Variants in TRPC3 observed in about 807,000 individuals in gnomAD.
TRPC3 encodes transient receptor potential cation channel subfamily C member 3, also known as short transient receptor potential channel 3.
In TRPC3, 54 loss-of-function variants were observed where a neutral mutation model predicts 90.9. That is an observed-to-expected ratio of 0.59 (90% CI 0.48 to 0.75). The LOEUF (loss-of-function observed/expected upper bound fraction) is 0.75. Ranked by LOEUF, TRPC3 falls within the 30% of genes least tolerant of loss-of-function variation. The probability of loss-of-function intolerance (pLI) is 0.00; values close to 1 mark genes in which losing one functional copy is unlikely to be tolerated. For missense variants in TRPC3, 918 were observed against 1,194.5 expected (o/e 0.77, Z 3.41); for synonymous variants, 424 against 450.9 (o/e 0.94, Z 0.75).
chr4:121,919,605 G>T (rs1321876578), intron 3 of TRPC3, among the ~76,000 whole-genome samples: 4 of 152,190 alleles, frequency 2.6e-5, no homozygotes, highest in Admixed American at 2.6e-4. Context: ...CGTCTCAGTG[G>T]TGTATTTACC....
At chr4:121,936,940 TG>T (rs1440730806) in intron 1 of TRPC3, among the ~76,000 whole-genome samples, 5 of 152,348 alleles carry the variant, frequency 3.3e-5, no homozygotes, top group Middle Eastern at 6.8e-3. Flanking sequence ...ATTTTTTTCA[TG>T]CTTTGTGGGA....
intron 5 of TRPC3, 35 bp downstream of exon 5, chr4:121,911,842 G>C (rs200346990): frequency 2.6e-6 from 4 of 1,537,322 alleles, no homozygotes; most frequent in Non-Finnish European, 3.5e-6. Context: ...ATTACCTTTT[G>C]GTAGAAATTA....
At chr4:121,930,830 T>TAAAAA (rs71599162) in intron 2 of TRPC3, 73 of 204,254 alleles carry the variant, frequency 3.6e-4, no homozygotes, top group South Asian at 7.4e-4. Context: ...CTCTGAGATC[T>TAAAAA]AAAAAAAAAA....
intron 10 of TRPC3, among the ~76,000 whole-genome samples, chr4:121,891,128 A>G (rs189963911): frequency 6.6e-6 from 1 of 152,210 alleles, no homozygotes; most frequent in South Asian, 2.1e-4. Flanking sequence ...CCTCCGGTCA[A>G]CTATATGAGG....
intron 6 of TRPC3, 119 bp downstream of exon 6, chr4:121,910,035 T>C: frequency 1.4e-6 from 1 of 732,558 alleles, no homozygotes; most frequent in Non-Finnish European, 2.3e-6. Flanking sequence ...CTTTCTCCAC[T>C]GTCCATAAAT....
intron 7 of TRPC3, among the ~76,000 whole-genome samples, chr4:121,906,907 C>T (rs548051905): frequency 1.2e-3 from 189 of 152,212 alleles, no homozygotes; most frequent in African/African-American, 4.4e-3. Flanking sequence ...TCCTCTTACT[C>T]GACTTCCTGT....
chr4:121,892,242 T>C (rs950778729), intron 10 of TRPC3, among the ~76,000 whole-genome samples: 2 of 152,198 alleles, frequency 1.3e-5, no homozygotes, highest in Admixed American at 6.5e-5. Context: ...CCAAGACATA[T>C]AGTATAATCC....
chr4:121,878,805 C>T lies in TRPC3; in HGVS notation c.*931G>A, dbSNP rs1727841781. On this transcript the variant is annotated 3_prime_UTR_variant, in exon 12 of 12. Transcript: ENST00000379645. ...TTTCCAAGTACGCCCATAGTCACTG[C>T]TCTTTCCTATTTCTTCCCATGAGCA... 6.6e-6 allele frequency among the ~76,000 whole-genome samples: 1 copy of T among 152,160 alleles called. No homozygotes were observed. Among genetic ancestry groups the T allele is most frequent in the Non-Finnish European group, 1.5e-5 (1 of 68,024 alleles).
intron 1 of TRPC3, among the ~76,000 whole-genome samples, chr4:121,940,364 G>A (rs1162902850): frequency 1.3e-5 from 2 of 152,156 alleles, no homozygotes; most frequent in Non-Finnish European, 2.9e-5. Context: ...CCACAGATTG[G>A]GCATTTAATG....
intron 3 of TRPC3, among the ~76,000 whole-genome samples, chr4:121,917,582 G>A (rs1202215372): frequency 3.3e-5 from 5 of 152,188 alleles, no homozygotes; most frequent in Non-Finnish European, 7.3e-5. Context: ...TACACAGTAA[G>A]CTTTGAATAG....
chr4:121,942,209 T>C (rs1227599077), intron 1 of TRPC3, among the ~76,000 whole-genome samples: 2 of 152,184 alleles, frequency 1.3e-5, no homozygotes, highest in African/African-American at 4.8e-5. Flanking sequence ...TCCACAGTAA[T>C]GAATTCCCTG....
At chr4:121,892,795 C>A (rs1421668666) in intron 10 of TRPC3, among the ~76,000 whole-genome samples, 1 of 152,000 alleles carries the variant, frequency 6.6e-6, no homozygotes, top group Admixed American at 6.6e-5. Context: ...AAGATACCAG[C>A]AGACAAGCCC....
At chr4:121,944,048 G>A (rs889405457) in intron 1 of TRPC3, among the ~76,000 whole-genome samples, 3 of 152,022 alleles carry the variant, frequency 2.0e-5, no homozygotes, top group African/African-American at 4.8e-5. Context: ...GTGCATAAGC[G>A]TGAAGTCAGC....
rs1356013645 is a variant in TRPC3 at position 121,907,434 on chromosome 4, A to T, written c.1926T>A (p.Ser642=). ...ANESFGPLQI[S]LGRTVKDIFK... ...ATATGTCCTTTACAGTCCTTCCAAGAGAGATCTGCAGGGGGCCAAAGCTCT... is the reference window on the plus strand; with the variant it reads ...ATATGTCCTTTACAGTCCTTCCAAGTGAGATCTGCAGGGGGCCAAAGCTCT... The change falls in exon 7 of 12, where the codon TCT becomes TCA. Residue 642 remains serine, a synonymous_variant. Transcript: ENST00000379645. The T allele has an allele frequency of 2.5e-6, 4 of 1,613,502 alleles. No homozygotes were observed. The highest frequency in any genetic ancestry group is 2.5e-6 in the Non-Finnish European group (3 of 1,179,596).
In TRPC3 at chr4:121,904,506, C is replaced by CT; in HGVS notation, c.2068dup (p.Ser690LysfsTer14). On this transcript the variant is annotated frameshift_variant, in exon 8 of 12. Coordinates refer to ENST00000379645, the MANE Select transcript of TRPC3 (RefSeq NM_001130698.2). LOFTEE classifies it high-confidence loss of function. ...TATTGACCAAAATAAAGTCTTGAAA[C>CT]TTTCTTCTACACTGTTGAAAAAATA... is the stretch of plus-strand genomic sequence containing the variant. 1 of 1,558,654 alleles carries CT rather than the reference C, an allele frequency of 6.4e-7. No individual in the cohort carries two copies. Among genetic ancestry groups the CT allele is most frequent in the Non-Finnish European group, 8.7e-7 (1 of 1,155,690 alleles).
At position 121,894,554 on chromosome 4, in the gene TRPC3, T is replaced by TG. The variant is rs1367953368; in HGVS notation, c.2547+5057dup. ...CCCAACAGCTGGAAAGTACACATTC[T>TG]GTTTTTTTTTTTTTTTTTTTTTTTT... On this transcript the variant is annotated intron_variant, in intron 10 of 11. Transcript: ENST00000379645. 6.7e-4 allele frequency among the ~76,000 whole-genome samples: 75 copies of TG among 112,226 alleles called. 1 individual carries two copies. Among genetic ancestry groups the TG allele is most frequent in the Non-Finnish European group, 1.1e-3 (56 of 52,504 alleles). 73.6% of individuals were successfully genotyped at this position (112,226 alleles called of 152,430 possible).
rs1314832831 is a variant in TRPC3 at position 121,876,430 on chromosome 4, G to C, written c.*3306C>G. Among the ~76,000 whole-genome samples, 1 of 152,164 alleles carries C rather than the reference G, an allele frequency of 6.6e-6. No homozygotes were observed. The highest frequency in any genetic ancestry group is 2.4e-5 in the African/African-American group (1 of 41,448). ...TGATGTAGCATAACCCTGTTTGCCTGAACCATTTATGAAGACCAGAGAAGT... is the reference window on the plus strand; with the variant it reads ...TGATGTAGCATAACCCTGTTTGCCTCAACCATTTATGAAGACCAGAGAAGT... On this transcript the variant is annotated 3_prime_UTR_variant, in exon 12 of 12. Transcript: ENST00000379645.
intron 10 of TRPC3, among the ~76,000 whole-genome samples, chr4:121,894,561 T>TTG (rs1553937543): frequency 3.1e-5 from 4 of 130,672 alleles, no homozygotes; most frequent in Non-Finnish European, 6.6e-5. Context: ...TTCTGTTTTT[T>TTG]TTTTTTTTTT....
intron 10 of TRPC3, among the ~76,000 whole-genome samples, chr4:121,893,472 C>T (rs1560688822): frequency 6.6e-6 from 1 of 152,054 alleles, no homozygotes; most frequent in East Asian, 1.9e-4. Context: ...TATTTGGATT[C>T]CCATCCTACA....
Sources: allele counts gnomAD v4.1 joint callset (sites outside exome capture counted in the v4.1 genomes callset), GRCh38; gene constraint gnomAD v4.1.1; transcripts MANE v1.5; gene names NCBI Gene and HGNC (gene_info 2026-07-23, HGNC 2026-07-21).